EYS: variants seen among roughly 807,000 people sequenced by gnomAD.
EYS encodes EGF-like photoreceptor maintenance factor, also known as protein eyes shut homolog.
In EYS, 250 loss-of-function variants were observed where a neutral mutation model predicts 282.1. That is an observed-to-expected ratio of 0.89 (90% confidence interval 0.80 to 0.98). The LOEUF is 0.98. Among genes scored for constraint, EYS ranks in the 50% least tolerant of loss-of-function variants. The pLI, the probability that EYS is intolerant of heterozygous loss-of-function variation, is 0.00. For synonymous variants in EYS, 1,355 were observed against 1,282.9 expected, an observed-to-expected ratio of 1.06 and a Z score of -1.20; for missense variants, 4,016 against 3,709.0, an observed-to-expected ratio of 1.08 and a Z score of -2.15.
At chr6:65,605,326 C>T (rs182568852) in intron 2 of EYS, among the ~76,000 whole-genome samples, 4 of 151,676 alleles carry the variant, frequency 2.6e-5, no homozygotes, top group African/African-American at 4.8e-5. Flanking sequence ...ACTTCATTGT[C>T]GATCACATTT....
chr6:65,005,203 G>A lies in EYS; in HGVS notation c.2138-7500C>T, dbSNP rs565922464. On this transcript the variant is annotated intron_variant, in intron 13 of 42. Transcript: ENST00000503581. The stretch of plus-strand genomic sequence containing the variant: ...ATGTCCGCTGTGCTCCTGATCCAGC[G>A]AGGCGCCCATTGCCACTCCCGATCG... Among the ~76,000 whole-genome samples, 11 of 147,994 alleles carry A rather than the reference G, an allele frequency of 7.4e-5. 1 individual carries two copies. The South Asian group carries it at 1.5e-3, about 21-fold the overall frequency.
chr6:63,957,323 G>C (rs1765870391), intron 35 of EYS, among the ~76,000 whole-genome samples: 1 of 140,714 alleles, frequency 7.1e-6, no homozygotes, highest in Non-Finnish European at 1.6e-5. Flanking sequence ...GAACAACAAG[G>C]CAGAGTGCAA....
At chr6:64,703,370 AACACACACACAGACAC>A (rs1770854444) in intron 22 of EYS, among the ~76,000 whole-genome samples, 3 of 80,314 alleles carry the variant, frequency 3.7e-5, no homozygotes, top group African/African-American at 1.2e-4. Context: ...TACACATACA[AACACACACACAGACAC>A]ACACACACAC....
intron 13 of EYS, among the ~76,000 whole-genome samples, chr6:65,033,469 G>T (rs566712218): frequency 1.3e-5 from 2 of 152,104 alleles, no homozygotes; most frequent in African/African-American, 2.4e-5. Context: ...TTCATAGGCC[G>T]GTCACAAGGC....
At chr6:65,120,327 G>C (rs989691547) in intron 12 of EYS, among the ~76,000 whole-genome samples, 6 of 151,128 alleles carry the variant, frequency 4.0e-5, no homozygotes, top group Non-Finnish European at 8.9e-5. Context: ...TTTTAAAATA[G>C]TTTTCTTCAG....
rs760138321 is a variant in EYS at position 65,481,724 on chromosome 6, A to ATTTTTAT, written c.862+8863_862+8869dup. ...CCACCACGCTCGGCTAATTTTTTGT[A>ATTTTTAT]TTTTTATTTTTTATTTTTTATTTTT... is the stretch of plus-strand genomic sequence containing the variant. On this transcript the variant is annotated intron_variant, in intron 5 of 42. Transcript: ENST00000503581. Among the ~76,000 whole-genome samples the ATTTTTAT allele has an allele frequency of 4.6e-5, 7 of 151,726 alleles. No individual in the cohort carries two copies. The East Asian group carries it at 5.8e-4, about 13-fold the overall frequency.
chr6:64,798,145 C>A (rs1307449102), intron 22 of EYS, among the ~76,000 whole-genome samples: 1 of 151,882 alleles, frequency 6.6e-6, no homozygotes, highest in African/African-American at 2.4e-5. Context: ...GTCACACCTA[C>A]ATATGCCTGC....
At chr6:64,703,026 ACT>A (rs1293148216) in intron 22 of EYS, among the ~76,000 whole-genome samples, 1 of 152,012 alleles carries the variant, frequency 6.6e-6, no homozygotes, top group African/African-American at 2.4e-5. Context: ...TTTTTTTCAC[ACT>A]CTCAAGAACT....
At chr6:64,574,344 C>A (rs1476256426) in intron 26 of EYS, among the ~76,000 whole-genome samples, 2 of 152,116 alleles carry the variant, frequency 1.3e-5, no homozygotes, top group Non-Finnish European at 2.9e-5. Flanking sequence ...TTGATGGTTG[C>A]AGCAAACCAC....
At chr6:65,632,442 T>C (rs933761222) in intron 2 of EYS, among the ~76,000 whole-genome samples, 3 of 152,330 alleles carry the variant, frequency 2.0e-5, no homozygotes, top group Middle Eastern at 3.4e-3. Flanking sequence ...TCCGCACTTA[T>C]ACTCACTAAC....
intron 26 of EYS, among the ~76,000 whole-genome samples, chr6:64,574,799 C>T (rs1765829723): frequency 6.6e-6 from 1 of 151,918 alleles, no homozygotes; most frequent in Non-Finnish European, 1.5e-5. Flanking sequence ...CATTTACAGC[C>T]CCTGTTGGTT....
chr6:65,682,500 T>C (rs1459736669), intron 1 of EYS, among the ~76,000 whole-genome samples: 1 of 151,898 alleles, frequency 6.6e-6, no homozygotes, highest in African/African-American at 2.4e-5. Context: ...TATTATAATT[T>C]GAAAATATTA....
chr6:65,395,357 C>A (rs1248036539), intron 7 of EYS, among the ~76,000 whole-genome samples: 2 of 152,168 alleles, frequency 1.3e-5, no homozygotes, highest in Non-Finnish European at 2.9e-5. Context: ...GCCACTGCGC[C>A]CAGCAATCTC....
At chr6:64,846,034 A>C (rs1223942927) in intron 19 of EYS, among the ~76,000 whole-genome samples, 1 of 152,110 alleles carries the variant, frequency 6.6e-6, no homozygotes, top group Non-Finnish European at 1.5e-5. Flanking sequence ...CAAATTTTTC[A>C]AATCAATCAT....
intron 22 of EYS, among the ~76,000 whole-genome samples, chr6:64,644,504 G>A (rs1029256203): frequency 3.9e-5 from 6 of 152,082 alleles, no homozygotes; most frequent in African/African-American, 1.2e-4. Context: ...TGTGCAATAT[G>A]CTTTTAGGAA....
chr6:65,293,872 A>C (rs993575088), intron 12 of EYS, among the ~76,000 whole-genome samples: 5 of 151,866 alleles, frequency 3.3e-5, no homozygotes, highest in African/African-American at 1.2e-4. Flanking sequence ...TGTGATGGGG[A>C]TCAGGGAAAT....
chr6:65,205,654 T>C (rs566921250), intron 12 of EYS, among the ~76,000 whole-genome samples: 5 of 151,976 alleles, frequency 3.3e-5, no homozygotes, highest in African/African-American at 1.2e-4. Flanking sequence ...ATAAAGCATC[T>C]CTATAAATTC....
chr6:65,479,948 G>C (rs1376182438), intron 5 of EYS, among the ~76,000 whole-genome samples: 1 of 150,428 alleles, frequency 6.6e-6, no homozygotes, highest in Non-Finnish European at 1.5e-5. Flanking sequence ...GAGGTCAGGA[G>C]ATGGAGACCA....
At chr6:64,488,086 T>G (rs772667389) in intron 26 of EYS, among the ~76,000 whole-genome samples, 1 of 151,068 alleles carries the variant, frequency 6.6e-6, no homozygotes, top group Non-Finnish European at 1.5e-5. Flanking sequence ...AAATTTGGTT[T>G]TAAATACATG....
Sources: allele counts gnomAD v4.1 joint callset (sites outside exome capture counted in the v4.1 genomes callset), GRCh38; gene constraint gnomAD v4.1.1; transcripts MANE v1.5; gene names NCBI Gene and HGNC (gene_info 2026-07-23, HGNC 2026-07-21).